Variants in RBFOX1 observed in about 807,000 individuals in gnomAD.
RBFOX1 encodes the protein RNA binding protein fox-1 homolog 1.
RBFOX1 carries 8 observed loss-of-function variants against 57.7 expected under a neutral mutation model. That is an observed-to-expected ratio of 0.14 (90% CI 0.08 to 0.25). RBFOX1 has a LOEUF of 0.25. RBFOX1 is among the 10% of genes least tolerant of loss of function. The pLI is 1.00. For synonymous variants in RBFOX1, 326 were observed against 222.4 expected (o/e 1.47, Z -4.15); for missense variants, 611 against 548.5 (o/e 1.11, Z -1.14).
intron 5 of RBFOX1, among the ~76,000 whole-genome samples, chr16:7,552,665 G>C (rs1567794281): frequency 6.6e-6 from 1 of 152,086 alleles, no homozygotes; most frequent in Admixed American, 6.6e-5. Context: ...TGTTGTGAAC[G>C]ACTAATTTGC....
At chr16:6,969,117 C>T (rs1163720364) in intron 3 of RBFOX1, among the ~76,000 whole-genome samples, 2 of 152,132 alleles carry the variant, frequency 1.3e-5, no homozygotes, top group Admixed American at 1.3e-4. Flanking sequence ...GTTAAGAGTA[C>T]TGCGTGTGAA....
At chr16:6,516,559 C>G (rs952192033) in intron 2 of RBFOX1, among the ~76,000 whole-genome samples, 2 of 152,120 alleles carry the variant, frequency 1.3e-5, no homozygotes, top group African/African-American at 4.8e-5. Context: ...ATAACCCTAG[C>G]ACTTTGTACA....
rs568113258 is a variant in RBFOX1, at chr16:7,628,431, C to G, written c.677-2172C>G. ...CAGGAGTACTCATTGATAAACACCA[C>G]TGACTGTAGAGGGGACTAACTGTCT... On this transcript the variant is annotated intron_variant, in intron 10 of 15. Coordinates refer to ENST00000550418, the MANE Select transcript of RBFOX1 (RefSeq NM_018723.4). Among the ~76,000 whole-genome samples, 7 of 152,268 alleles carry G rather than the reference C, an allele frequency of 4.6e-5. No homozygotes were observed. The East Asian group carries it at 1.4e-3, about 29-fold the overall frequency.
chr16:6,096,725 A>C (rs1173959454), intron 1 of RBFOX1, among the ~76,000 whole-genome samples: 1 of 152,206 alleles, frequency 6.6e-6, no homozygotes, highest in Non-Finnish European at 1.5e-5. Flanking sequence ...CATCATTGTC[A>C]CTACGAAATA....
At chr16:5,794,687 A>C (rs961341566) in intron 3 of RBFOX1, among the ~76,000 whole-genome samples, 3 of 152,214 alleles carry the variant, frequency 2.0e-5, no homozygotes, top group Admixed American at 6.5e-5. Flanking sequence ...GGAGCCAAGA[A>C]GAACACCTTA....
intron 2 of RBFOX1, among the ~76,000 whole-genome samples, chr16:6,344,347 G>A (rs1462326005): frequency 2.7e-5 from 4 of 150,924 alleles, no homozygotes; most frequent in Non-Finnish European, 5.9e-5. Context: ...CACCATGCCC[G>A]GCCTGGTATT....
At chr16:5,709,514 A>T (rs2051373006) in intron 3 of RBFOX1, among the ~76,000 whole-genome samples, 1 of 151,870 alleles carries the variant, frequency 6.6e-6, no homozygotes, top group African/African-American at 2.4e-5. Context: ...AGCAAGACAA[A>T]TGGATGATCT....
chr16:5,337,259 C>T (rs2064921079), intron 1 of RBFOX1, among the ~76,000 whole-genome samples: 1 of 152,120 alleles, frequency 6.6e-6, no homozygotes, highest in East Asian at 1.9e-4. Context: ...GGATGATGGC[C>T]TATTGGGATG....
intron 1 of RBFOX1, among the ~76,000 whole-genome samples, chr16:6,251,248 A>T (rs1418306107): frequency 6.6e-6 from 1 of 152,114 alleles, no homozygotes; most frequent in Non-Finnish European, 1.5e-5. Context: ...TCACAAAACA[A>T]ACCCCAGAGA....
chr16:6,689,933 G>C (rs889339706), intron 3 of RBFOX1, among the ~76,000 whole-genome samples: 1 of 152,196 alleles, frequency 6.6e-6, no homozygotes, highest in Non-Finnish European at 1.5e-5. Flanking sequence ...AATCAGCAAC[G>C]AAGAGGTGTA....
chr16:7,008,038 T>G (rs1361188725), intron 3 of RBFOX1, among the ~76,000 whole-genome samples: 1 of 152,158 alleles, frequency 6.6e-6, no homozygotes, highest in East Asian at 1.9e-4. Context: ...AACTTAGCAT[T>G]ATCTATATTC....
At chr16:5,596,320 ACT>A (rs1185917671) in intron 2 of RBFOX1, among the ~76,000 whole-genome samples, 8 of 152,042 alleles carry the variant, frequency 5.3e-5, no homozygotes, top group Non-Finnish European at 1.2e-4. Flanking sequence ...CCCCTGGAAG[ACT>A]CTTAATTTTG....
chr16:6,154,681 A>C (rs556903337), intron 1 of RBFOX1, among the ~76,000 whole-genome samples: 1 of 152,346 alleles, frequency 6.6e-6, no homozygotes, highest in South Asian at 2.1e-4. Flanking sequence ...ATGAATGTCA[A>C]AGAAGAAATG....
At chr16:6,787,586 A>G (rs555897494) in intron 3 of RBFOX1, among the ~76,000 whole-genome samples, 5 of 152,164 alleles carry the variant, frequency 3.3e-5, no homozygotes, top group African/African-American at 1.2e-4. Flanking sequence ...CACCTGTGAC[A>G]CCCTTCACAG....
At chr16:7,425,005 G>A (rs4458014) in intron 4 of RBFOX1, among the ~76,000 whole-genome samples, 4 of 151,944 alleles carry the variant, frequency 2.6e-5, no homozygotes, top group Non-Finnish European at 5.9e-5. Flanking sequence ...AATACAAGTT[G>A]GCATTATTAT....
chr16:7,528,061 C>G (rs2079095572), intron 5 of RBFOX1, among the ~76,000 whole-genome samples: 1 of 152,162 alleles, frequency 6.6e-6, no homozygotes, highest in Non-Finnish European at 1.5e-5. Flanking sequence ...CGTGGGCAAA[C>G]AAAGTGAGAT....
chr16:6,685,135 C>G lies in RBFOX1; in HGVS notation c.-16+30485C>G, dbSNP rs72633302. 4.2e-3 allele frequency among the ~76,000 whole-genome samples: 642 copies of G among 152,280 alleles called. 20 individuals carry two copies. The East Asian group carries it at 0.063, about 15-fold the overall frequency. Reference sequence around the variant, plus strand: ...GAAAGGAATGCTAAATAAATACGAGCTGTCACCTTTTATATTCCATTCCTT... The same window carrying G: ...GAAAGGAATGCTAAATAAATACGAGGTGTCACCTTTTATATTCCATTCCTT... On this transcript the variant is annotated intron_variant, in intron 3 of 15. Transcript: ENST00000550418.
At chr16:7,231,789 G>T (rs2093509007) in intron 4 of RBFOX1, among the ~76,000 whole-genome samples, 2 of 152,148 alleles carry the variant, frequency 1.3e-5, no homozygotes, top group Admixed American at 6.5e-5. Context: ...GTAAGTAAAA[G>T]AACCCAGAAT....
At chr16:6,874,033 A>T (rs1374082641) in intron 3 of RBFOX1, 1 of 152,228 alleles carries the variant, frequency 6.6e-6, no homozygotes, top group Non-Finnish European at 1.5e-5. Context: ...CTGTTGATCC[A>T]TTATCTACCA....
Sources: gnomAD v4.1 joint callset for allele counts (sites outside exome capture counted in the v4.1 genomes callset) on GRCh38, gnomAD v4.1.1 for gene constraint, MANE v1.5 for transcripts, NCBI Gene and HGNC (gene_info 2026-07-23, HGNC 2026-07-21) for gene names.